Variants in SUMO2 observed in about 807,000 individuals in gnomAD.
The protein encoded by SUMO2 is small ubiquitin-related modifier 2.
In SUMO2, 1 loss-of-function variant was observed where a neutral mutation model predicts 16.0. The ratio of observed to expected loss-of-function variants is 0.06; its 90% CI spans 0.02 to 0.30. The LOEUF (loss-of-function observed/expected upper bound fraction) is 0.30. Ranked by LOEUF, SUMO2 falls within the 10% of genes least tolerant of loss-of-function variation. The pLI, the probability that SUMO2 is intolerant of heterozygous loss-of-function variation, is 1.00. For missense variants in SUMO2, 16 were observed against 117.5 expected, an observed-to-expected ratio of 0.14 and a Z score of 3.99; for synonymous variants, 36 against 40.6, an observed-to-expected ratio of 0.89 and a Z score of 0.43.
At position 75,169,546 on chromosome 17, in the gene SUMO2, G is replaced by A. The variant is rs1353803960; in HGVS notation, c.226-1145C>T. On this transcript the variant is annotated intron_variant, in intron 3 of 3. Transcript: ENST00000420826. ...CTACAGGTGCCCGCCACAACGCCTG[G>A]CTAATTTTTTGTATTTTTAGTAGAG... Among the ~76,000 whole-genome samples the A allele has an allele frequency of 3.3e-5, 5 of 151,908 alleles. No individual in the cohort carries two copies. The East Asian group carries it at 9.7e-4, about 29-fold the overall frequency.
intron 3 of SUMO2, among the ~76,000 whole-genome samples, chr17:75,171,741 A>G (rs1325695115): frequency 6.6e-6 from 1 of 152,120 alleles, no homozygotes; most frequent in Non-Finnish European, 1.5e-5. Context: ...ATTTGTAACT[A>G]CTATAGCAGA....
At chr17:75,170,666 T>C (rs1311107099) in intron 3 of SUMO2, among the ~76,000 whole-genome samples, 3 of 151,402 alleles carry the variant, frequency 2.0e-5, no homozygotes, top group Admixed American at 6.6e-5. Context: ...CTGGCCAACA[T>C]AGTGAAACCC....
intron 2 of SUMO2, among the ~76,000 whole-genome samples, chr17:75,176,008 G>A (rs965212642): frequency 4.6e-5 from 7 of 151,190 alleles, no homozygotes; most frequent in African/African-American, 1.2e-4. Flanking sequence ...CATACCTTGA[G>A]ACAAATATGC....
chr17:75,177,988 CAAAAAAAAAA>C (rs59613076), intron 2 of SUMO2, among the ~76,000 whole-genome samples: 11 of 66,418 alleles, frequency 1.7e-4, no homozygotes, highest in African/African-American at 3.4e-4. Context: ...GACTCCGTCT[CAAAAAAAAAA>C]AAAAAAAAAA....
Position 75,165,997 on chromosome 17 carries a change from G to T in SUMO2, c.*2342C>A. ...GCCAAGATTGCGCCACTGCACTCCA[G>T]CCTGGGCGACAGAGCAAGACTCCGT... On this transcript the variant is annotated 3_prime_UTR_variant, in exon 4 of 4. Transcript: ENST00000420826. 6.5e-6 allele frequency: 1 copy of T among 152,686 alleles called. No individual in the cohort carries two copies. The highest frequency in any genetic ancestry group is 1.5e-5 in the Non-Finnish European group (1 of 68,582). 9.5% of individuals were successfully genotyped at this position (152,686 alleles called of 1,614,324 possible).
At chr17:75,181,452 AGT>A (rs2145227709) in intron 1 of SUMO2, among the ~76,000 whole-genome samples, 1 of 152,314 alleles carries the variant, frequency 6.6e-6, no homozygotes, top group African/African-American at 2.4e-5. Context: ...GGTCCTATTC[AGT>A]GTATTGCAAC....
At chr17:75,177,914 GGGAGGT>G (rs1418955592) in intron 2 of SUMO2, among the ~76,000 whole-genome samples, 3 of 149,786 alleles carry the variant, frequency 2.0e-5, no homozygotes, top group African/African-American at 7.4e-5. Context: ...GCTTGAACCC[GGGAGGT>G]GGAGGTTGCA....
intron 3 of SUMO2, 23 bp from the exon 4 acceptor site, chr17:75,168,424 T>A: frequency 6.3e-7 from 1 of 1,591,590 alleles, no homozygotes; most frequent in South Asian, 1.1e-5. Context: ...AAAAAACAAA[T>A]GTAAAAGCAC....
In SUMO2 at chr17:75,166,823, G is replaced by C. The variant is rs543362549; in HGVS notation, c.*1516C>G. 1.4e-5 allele frequency: 2 copies of C among 145,708 alleles called. No individual in the cohort carries two copies. The allele number at this position is 145,708 out of a possible 1,614,324, so 9.0% of individuals were successfully genotyped here. ...GACGGGAGGCTGAGGCAGGAGAATG[G>C]CGTGAACCCGGGAGGCGGAGCTTGC... is the stretch of plus-strand genomic sequence containing the variant. On this transcript the variant is annotated 3_prime_UTR_variant, in exon 4 of 4. Coordinates refer to ENST00000420826, the MANE Select transcript of SUMO2 (RefSeq NM_006937.4).
At chr17:75,180,932 GT>G in intron 2 of SUMO2, 124 bp downstream of exon 2, 1 of 1,088,468 alleles carries the variant, frequency 9.2e-7, no homozygotes, top group South Asian at 1.5e-5. Context: ...CAAAACTGAC[GT>G]GCCAAGTGCA....
intron 2 of SUMO2, among the ~76,000 whole-genome samples, chr17:75,175,390 G>A (rs886532197): frequency 3.3e-5 from 5 of 151,580 alleles, no homozygotes; most frequent in Non-Finnish European, 5.9e-5. Flanking sequence ...TCGCGATCTC[G>A]GCTCACTGCA....
chr17:75,179,691 GCT>G (rs1341037083), intron 2 of SUMO2, among the ~76,000 whole-genome samples: 6 of 144,382 alleles, frequency 4.2e-5, no homozygotes, highest in South Asian at 4.3e-4. Context: ...AAATGCTCTC[GCT>G]CTGTCACCCA....
rs1391732110 is a variant in SUMO2 at position 75,167,296 on chromosome 17, A to T, written c.*1043T>A. On this transcript the variant is annotated 3_prime_UTR_variant, in exon 4 of 4. Coordinates refer to ENST00000420826, the MANE Select transcript of SUMO2 (RefSeq NM_006937.4). ...ACAAGAGGAAAACTCCGTCTCAAAA[A>T]AAAAATCCTTGAATAAGGAACGAAA... 6.6e-6 allele frequency: 1 copy of T among 152,016 alleles called. No homozygotes were observed. Among genetic ancestry groups the T allele is most frequent in the Non-Finnish European group, 1.5e-5 (1 of 68,038 alleles). The allele number at this position is 152,016 out of a possible 1,614,324, so 9.4% of individuals were successfully genotyped here.
chr17:75,181,233 C>A, intron 1 of SUMO2, 45 bp from the exon 2 acceptor site: 1 of 1,601,114 alleles, frequency 6.2e-7, no homozygotes, highest in South Asian at 1.1e-5. Flanking sequence ...ATGTGATCAA[C>A]GAACACGTTT....
At chr17:75,172,918 G>A (rs949173211) in intron 3 of SUMO2, among the ~76,000 whole-genome samples, 1 of 152,102 alleles carries the variant, frequency 6.6e-6, no homozygotes, top group African/African-American at 2.4e-5. Context: ...AGTGCACCTG[G>A]CCCGTAATTC....
intron 2 of SUMO2, among the ~76,000 whole-genome samples, 179 bp from the exon 3 acceptor site, chr17:75,175,002 G>C (rs1389650851): frequency 6.6e-6 from 1 of 151,770 alleles, no homozygotes; most frequent in Non-Finnish European, 1.5e-5. Flanking sequence ...TCTTTTTTTT[G>C]AGACAGTTTT....
At chr17:75,172,487 ATTTTTTTTT>A (rs566106618) in intron 3 of SUMO2, among the ~76,000 whole-genome samples, 7 of 129,122 alleles carry the variant, frequency 5.4e-5, no homozygotes, top group African/African-American at 2.0e-4. Flanking sequence ...GCCTGGCTAA[ATTTTTTTTT>A]TTTTTTTTTG....
intron 3 of SUMO2, among the ~76,000 whole-genome samples, chr17:75,169,324 A>G (rs2074717180): frequency 6.6e-6 from 1 of 151,976 alleles, no homozygotes; most frequent in Admixed American, 6.6e-5. Context: ...GGGTCACCTG[A>G]GGTCAGGAGT....
intron 2 of SUMO2, among the ~76,000 whole-genome samples, chr17:75,178,767 C>G (rs1384591756): frequency 4.0e-5 from 6 of 151,468 alleles, no homozygotes; most frequent in African/African-American, 1.5e-4. Flanking sequence ...CTGGGCCAGG[C>G]GCAGTGGCTC....
Sources: allele counts gnomAD v4.1 joint callset (sites outside exome capture counted in the v4.1 genomes callset), GRCh38; gene constraint gnomAD v4.1.1; transcripts MANE v1.5; gene names NCBI Gene and HGNC (gene_info 2026-07-23, HGNC 2026-07-21).